The following UNC5D variants were observed in gnomAD, a reference collection of about 807,000 sequenced individuals.
UNC5D encodes unc-5 netrin receptor D.
Under a neutral mutation model 105.4 loss-of-function variants are expected in UNC5D, and 39 were observed. The ratio of observed to expected loss-of-function variants is 0.37; its 90% CI spans 0.29 to 0.48. UNC5D has a LOEUF of 0.48. Among genes scored for constraint, UNC5D ranks in the 20% least tolerant of loss-of-function variants. UNC5D has a pLI of 0.98. For synonymous variants in UNC5D, 452 were observed against 450.4 expected (o/e 1.00, Z -0.04); for missense variants, 991 against 1,202.4 (o/e 0.82, Z 2.60).
chr8:35,431,255 T>C (rs554141923), intron 1 of UNC5D, among the ~76,000 whole-genome samples: 24 of 152,286 alleles, frequency 1.6e-4, no homozygotes, highest in Middle Eastern at 3.4e-3. Context: ...TGAAGTTCAT[T>C]TGAGGATGTC....
intron 1 of UNC5D, among the ~76,000 whole-genome samples, chr8:35,515,487 C>G (rs571428181): frequency 2.7e-4 from 41 of 152,250 alleles, no homozygotes; most frequent in Admixed American, 1.3e-3. Flanking sequence ...GAGTTCGAGA[C>G]CAGCCTGGCC....
rs550223363 is a variant in UNC5D at position 35,496,625 on chromosome 8, T to C, written c.104-52667T>C. Among the ~76,000 whole-genome samples the C allele has an allele frequency of 2.3e-4, 35 of 152,290 alleles. 1 individual carries two copies. Among genetic ancestry groups the C allele is most frequent in the Non-Finnish European group, 1.0e-4 (7 of 68,020 alleles). The stretch of plus-strand genomic sequence containing the variant: ...CTACTTATGTAATTTTTAAAAACAG[T>C]TCTATTAAGATACCACTTACATGCC... On this transcript the variant is annotated intron_variant, in intron 1 of 16. Coordinates refer to ENST00000404895, the MANE Select transcript of UNC5D (RefSeq NM_080872.4).
chr8:35,628,014 G>A (rs990599609), intron 4 of UNC5D, among the ~76,000 whole-genome samples: 18 of 152,090 alleles, frequency 1.2e-4, no homozygotes, highest in Admixed American at 2.6e-4. Flanking sequence ...AACAAGGTGT[G>A]CATTAGTCTG....
intron 1 of UNC5D, among the ~76,000 whole-genome samples, chr8:35,532,027 G>C (rs1199395647): frequency 1.4e-5 from 2 of 140,644 alleles, no homozygotes; most frequent in African/African-American, 5.5e-5. Context: ...CTTTTAATTG[G>C]AGCATTTAGT....
At position 35,686,645 on chromosome 8, in the gene UNC5D, G is replaced by A. The variant is rs1002281514; in HGVS notation, c.1020G>A (p.Gly340=). Residue 340 remains glycine, a synonymous_variant, in exon 7 of 17, where the codon GGG becomes GGA. Coordinates refer to ENST00000404895, the MANE Select transcript of UNC5D (RefSeq NM_080872.4). ...RECTAPPPRN[G]GKFCEGLSQE... ...GCACAGCACCACCCCCGAGAAATGG[G>A]GGCAAATTCTGTGAAGGTCTAAGCC... 2 of 1,606,108 alleles carry A rather than the reference G, an allele frequency of 1.2e-6. No individual in the cohort carries two copies. Among genetic ancestry groups the A allele is most frequent in the Non-Finnish European group, 1.7e-6 (2 of 1,177,744 alleles).
chr8:35,416,302 G>C lies in UNC5D; in HGVS notation c.104-132990G>C, dbSNP rs556869469. 4.6e-5 allele frequency among the ~76,000 whole-genome samples: 7 copies of C among 152,156 alleles called. 1 individual carries two copies. Among genetic ancestry groups the C allele is most frequent in the African/African-American group, 1.7e-4 (7 of 41,532 alleles). ...ACTAGAAAAGGAGAACCGGATTTCA[G>C]GAATACAAAGGAATTGTAAAAAACA... On this transcript the variant is annotated intron_variant, in intron 1 of 16. Coordinates refer to ENST00000404895, the MANE Select transcript of UNC5D (RefSeq NM_080872.4).
At chr8:35,272,876 A>G (rs980161309) in intron 1 of UNC5D, among the ~76,000 whole-genome samples, 3 of 152,242 alleles carry the variant, frequency 2.0e-5, no homozygotes, top group Non-Finnish European at 4.4e-5. Flanking sequence ...AAAGTTGTGT[A>G]GTGCCTAGTG....
chr8:35,409,818 C>G lies in UNC5D; in HGVS notation c.104-139474C>G, dbSNP rs1038027339. ...ACCCATCATCACCAAACTTAATATG[C>G]AGATTTCCTCCTATTTTTAAAGAAA... On this transcript the variant is annotated intron_variant, in intron 1 of 16. Transcript: ENST00000404895. 5.9e-5 allele frequency among the ~76,000 whole-genome samples: 9 copies of G among 152,054 alleles called. No homozygotes were observed. The South Asian group carries it at 1.2e-3, about 21-fold the overall frequency.
chr8:35,783,234 A>G (rs1468431058), intron 16 of UNC5D, among the ~76,000 whole-genome samples: 1 of 152,232 alleles, frequency 6.6e-6, no homozygotes, highest in Non-Finnish European at 1.5e-5. Flanking sequence ...CGTCACAGGT[A>G]CAAGTGTTCC....
chr8:35,430,477 C>G (rs868301156), intron 1 of UNC5D, among the ~76,000 whole-genome samples: 1 of 152,002 alleles, frequency 6.6e-6, no homozygotes, highest in Non-Finnish European at 1.5e-5. Context: ...CAATTAAACC[C>G]AAGAAAGGGG....
chr8:35,675,380 C>T (rs1825139854), intron 4 of UNC5D, among the ~76,000 whole-genome samples: 1 of 152,140 alleles, frequency 6.6e-6, no homozygotes, highest in South Asian at 2.1e-4. Flanking sequence ...CATTGAACAT[C>T]CTTAGATGGG....
intron 4 of UNC5D, among the ~76,000 whole-genome samples, chr8:35,628,143 A>AT (rs925788755): frequency 6.7e-6 from 1 of 149,616 alleles, no homozygotes. Context: ...TTACTTACTT[A>AT]TTTTTTTTGA....
At chr8:35,487,586 C>T (rs1395972571) in intron 1 of UNC5D, among the ~76,000 whole-genome samples, 1 of 151,624 alleles carries the variant, frequency 6.6e-6, no homozygotes, top group Non-Finnish European at 1.5e-5. Context: ...CACACACACA[C>T]ACACACACCC....
At chr8:35,780,925 TGA>T (rs2131772594) in intron 16 of UNC5D, among the ~76,000 whole-genome samples, 1 of 152,348 alleles carries the variant, frequency 6.6e-6, no homozygotes, top group African/African-American at 2.4e-5. Flanking sequence ...ATCTAATTTA[TGA>T]GAGAATATTT....
intron 1 of UNC5D, among the ~76,000 whole-genome samples, chr8:35,313,226 A>G (rs958007801): frequency 3.9e-5 from 6 of 152,222 alleles, no homozygotes; most frequent in African/African-American, 1.4e-4. Context: ...GCATCTATCC[A>G]AATATTTATC....
At position 35,687,378 on chromosome 8, in the gene UNC5D, C is replaced by T. The variant is rs1826081713; in HGVS notation, c.1084+669C>T. ...AATGCCGTGAACCCAGGAGGTGGAG[C>T]TTGCAGTGAGCCAAGATTGTGCCAC... On this transcript the variant is annotated intron_variant, in intron 7 of 16. Coordinates refer to ENST00000404895, the MANE Select transcript of UNC5D (RefSeq NM_080872.4). Among the ~76,000 whole-genome samples the T allele has an allele frequency of 2.7e-5, 4 of 147,896 alleles. No individual in the cohort carries two copies. The Admixed American group carries it at 2.8e-4, about 10-fold the overall frequency.
At chr8:35,548,014 C>G (rs1452717000) in intron 1 of UNC5D, among the ~76,000 whole-genome samples, 4 of 152,198 alleles carry the variant, frequency 2.6e-5, no homozygotes, top group Non-Finnish European at 4.4e-5. Flanking sequence ...GGCCAGAAGT[C>G]TCAACCAGTC....
intron 3 of UNC5D, among the ~76,000 whole-genome samples, chr8:35,569,277 G>C (rs1586153701): frequency 6.6e-6 from 1 of 152,120 alleles, no homozygotes; most frequent in Non-Finnish European, 1.5e-5. Context: ...TCTTTTGTGT[G>C]CCTGGGATGG....
At chr8:35,296,485 T>C (rs1807497245) in intron 1 of UNC5D, among the ~76,000 whole-genome samples, 1 of 152,184 alleles carries the variant, frequency 6.6e-6, no homozygotes, top group Non-Finnish European at 1.5e-5. Flanking sequence ...AGTGGCACAA[T>C]CTCGGCTCAC....
Sources: allele counts gnomAD v4.1 joint callset (sites outside exome capture counted in the v4.1 genomes callset), GRCh38; gene constraint gnomAD v4.1.1; transcripts MANE v1.5; gene names NCBI Gene and HGNC (gene_info 2026-07-23, HGNC 2026-07-21).